RBFOX1: variants seen among roughly 807,000 people sequenced by gnomAD.
RBFOX1 encodes RNA binding protein fox-1 homolog 1.
RBFOX1 carries 8 observed loss-of-function variants against 57.7 expected under a neutral mutation model. That is an observed-to-expected ratio of 0.14 (90% CI 0.08 to 0.25). The LOEUF (loss-of-function observed/expected upper bound fraction) is 0.25, where lower values mean the gene tolerates loss of function less well. Among genes scored for constraint, RBFOX1 ranks in the 10% least tolerant of loss-of-function variants. The probability of loss-of-function intolerance (pLI) is 1.00; values close to 1 mark genes in which losing one functional copy is unlikely to be tolerated. For missense variants in RBFOX1, 611 were observed against 548.5 expected, an observed-to-expected ratio of 1.11 and a Z score of -1.14; for synonymous variants, 326 against 222.4, an observed-to-expected ratio of 1.47 and a Z score of -4.15.
chr16:5,690,554 C>T (rs370714926), intron 3 of RBFOX1, among the ~76,000 whole-genome samples: 4 of 138,098 alleles, frequency 2.9e-5, no homozygotes, highest in African/African-American at 9.7e-5. Flanking sequence ...CTGTTGTGGC[C>T]AGTCTGCTTG....
At chr16:6,880,359 A>G (rs1430638206) in intron 3 of RBFOX1, among the ~76,000 whole-genome samples, 1 of 152,272 alleles carries the variant, frequency 6.6e-6, no homozygotes, top group South Asian at 2.1e-4. Context: ...GGTTTTTAGT[A>G]TTATACTTTC....
intron 4 of RBFOX1, among the ~76,000 whole-genome samples, chr16:7,274,833 T>A (rs184633955): frequency 2.0e-5 from 3 of 152,068 alleles, no homozygotes; most frequent in African/African-American, 7.2e-5. Flanking sequence ...TACAGGTGTG[T>A]GCCACCACAC....
intron 1 of RBFOX1, among the ~76,000 whole-genome samples, chr16:6,313,987 G>A (rs530006468): frequency 6.6e-6 from 1 of 152,024 alleles, no homozygotes; most frequent in Non-Finnish European, 1.5e-5. Context: ...TGACTTTACA[G>A]GTTCTTATTA....
chr16:7,626,287 C>T lies in RBFOX1; in HGVS notation c.677-4316C>T, dbSNP rs571490448. Among the ~76,000 whole-genome samples, 6 of 152,326 alleles carry T rather than the reference C, an allele frequency of 3.9e-5. 1 individual carries two copies. Among genetic ancestry groups the T allele is most frequent in the Admixed American group, 1.3e-4 (2 of 15,298 alleles). Reference sequence around the variant, plus strand: ...ATCCCTTCTAGGCTTGTGCCTGCCCCTTCAGGGGCCAGGAATGATCCCCTG... The same window carrying T: ...ATCCCTTCTAGGCTTGTGCCTGCCCTTTCAGGGGCCAGGAATGATCCCCTG... On this transcript the variant is annotated intron_variant, in intron 10 of 15. Coordinates refer to ENST00000550418, the MANE Select transcript of RBFOX1 (RefSeq NM_018723.4).
In RBFOX1 at chr16:7,312,214, T is replaced by G. The variant is rs1312003782; in HGVS notation, c.28-205933T>G. Among the ~76,000 whole-genome samples, 3 of 152,198 alleles carry G rather than the reference T, an allele frequency of 2.0e-5. No homozygotes were observed. In the South Asian group the frequency reaches 6.2e-4, roughly 31 times the overall value. ...GGCCTACATGGTGAAACCCTGTCTC[T>G]ACTAAAAATACAAAAATTATCTGAG... On this transcript the variant is annotated intron_variant, in intron 4 of 15. Transcript: ENST00000550418.
chr16:6,482,412 C>T (rs902012231), intron 2 of RBFOX1, among the ~76,000 whole-genome samples: 6 of 152,216 alleles, frequency 3.9e-5, no homozygotes, highest in Admixed American at 1.3e-4. Flanking sequence ...AAAATCAGCA[C>T]TTAAGCTGAA....
At chr16:6,683,760 G>T (rs775474705) in intron 3 of RBFOX1, among the ~76,000 whole-genome samples, 1 of 152,146 alleles carries the variant, frequency 6.6e-6, no homozygotes, top group Non-Finnish European at 1.5e-5. Context: ...CATCAGAGAT[G>T]GAGCTTTGCG....
intron 1 of RBFOX1, among the ~76,000 whole-genome samples, chr16:6,054,441 T>A (rs1392371937): frequency 2.0e-5 from 3 of 152,234 alleles, no homozygotes; most frequent in African/African-American, 4.8e-5. Context: ...ATCTCCAGCG[T>A]CAGGTTTCCT....
Position 6,998,625 on chromosome 16 carries a change from T to C in RBFOX1, c.-15-53432T>C, listed in dbSNP as rs367974084. 9.2e-5 allele frequency among the ~76,000 whole-genome samples: 14 copies of C among 152,302 alleles called. 1 individual carries two copies. Among genetic ancestry groups the C allele is most frequent in the Admixed American group, 5.2e-4 (8 of 15,296 alleles). On this transcript the variant is annotated intron_variant, in intron 3 of 15. Transcript: ENST00000550418. ...ATCGATGACTTTTGTTGCTTTTTGG[T>C]GTCTCCAAATTGCAATCCTGTTTCA...
chr16:7,072,269 A>G (rs965763290), intron 4 of RBFOX1, among the ~76,000 whole-genome samples: 1 of 152,148 alleles, frequency 6.6e-6, no homozygotes, highest in African/African-American at 2.4e-5. Flanking sequence ...ACCTTTAAAG[A>G]GCTTAATTAA....
chr16:5,859,940 C>CTG (rs1176924183), intron 3 of RBFOX1, among the ~76,000 whole-genome samples: 2 of 152,314 alleles, frequency 1.3e-5, no homozygotes, highest in Non-Finnish European at 2.9e-5. Context: ...GTCAGGAAGA[C>CTG]TGGAAGCCTG....
chr16:7,452,139 T>C (rs1309252510), intron 4 of RBFOX1, among the ~76,000 whole-genome samples: 1 of 152,220 alleles, frequency 6.6e-6, no homozygotes, highest in African/African-American at 2.4e-5. Context: ...GGAACATCAC[T>C]ACTTTATGAT....
At chr16:7,129,400 G>A (rs1028242095) in intron 4 of RBFOX1, among the ~76,000 whole-genome samples, 15 of 152,122 alleles carry the variant, frequency 9.9e-5, no homozygotes, top group African/African-American at 3.4e-4. Context: ...AGGAACAGTA[G>A]CTCAAAGGAA....
intron 3 of RBFOX1, among the ~76,000 whole-genome samples, chr16:5,719,445 C>A (rs894842930): frequency 6.6e-6 from 1 of 151,380 alleles, no homozygotes; most frequent in African/African-American, 2.4e-5. Context: ...CTCCTGAGCT[C>A]GCGATCCGCC....
chr16:6,627,088 C>T (rs994031798), intron 2 of RBFOX1, among the ~76,000 whole-genome samples: 2 of 152,226 alleles, frequency 1.3e-5, no homozygotes, highest in Admixed American at 6.5e-5. Flanking sequence ...CTCTAAAATC[C>T]ATGGCCGCTG....
intron 3 of RBFOX1, among the ~76,000 whole-genome samples, chr16:7,035,845 C>G (rs999434045): frequency 1.3e-5 from 2 of 152,070 alleles, no homozygotes; most frequent in Admixed American, 6.6e-5. Flanking sequence ...TCTTCCAGCA[C>G]TCCTTCCATT....
At chr16:7,696,880 A>G (rs1325151616) in intron 14 of RBFOX1, among the ~76,000 whole-genome samples, 1 of 152,154 alleles carries the variant, frequency 6.6e-6, no homozygotes, top group Non-Finnish European at 1.5e-5. Flanking sequence ...AACATACAGC[A>G]GGTGCAGAGA....
At chr16:5,983,039 G>T (rs2060204325) in intron 4 of RBFOX1, among the ~76,000 whole-genome samples, 1 of 152,138 alleles carries the variant, frequency 6.6e-6, no homozygotes, top group East Asian at 1.9e-4. Context: ...CCGCCTCTAA[G>T]TCATCCCAGC....
chr16:5,731,165 C>G (rs1394284558), intron 3 of RBFOX1, among the ~76,000 whole-genome samples: 1 of 152,104 alleles, frequency 6.6e-6, no homozygotes, highest in African/African-American at 2.4e-5. Flanking sequence ...CCATCATCTT[C>G]ATCATCACCA....
Sources: allele counts gnomAD v4.1 joint callset (sites outside exome capture counted in the v4.1 genomes callset), GRCh38; gene constraint gnomAD v4.1.1; transcripts MANE v1.5; gene names NCBI Gene and HGNC (gene_info 2026-07-23, HGNC 2026-07-21).